DSCAML1: variants seen among roughly 807,000 people sequenced by gnomAD.
The protein encoded by DSCAML1 is cell adhesion molecule DSCAML1.
DSCAML1 carries 38 observed loss-of-function variants against 200.5 expected under a neutral mutation model. That is an observed-to-expected ratio of 0.19 (90% CI 0.15 to 0.25). The LOEUF is 0.25. Among genes scored for constraint, DSCAML1 ranks in the 10% least tolerant of loss-of-function variants. The pLI is 1.00. For missense variants in DSCAML1, 2,223 were observed against 2,858.8 expected (o/e 0.78, Z 5.07); for synonymous variants, 1,215 against 1,165.0 (o/e 1.04, Z -0.87).
At chr11:117,442,406 AGTATGT>A (rs1192891537) in intron 21 of DSCAML1, among the ~76,000 whole-genome samples, 3 of 151,616 alleles carry the variant, frequency 2.0e-5, no homozygotes, top group Non-Finnish European at 4.4e-5. Flanking sequence ...TGTGCACATT[AGTATGT>A]GTATGTGCGT....
chr11:117,539,606 C>CAAAAAAAAAAAAAAAAAAAAAAAAAAAAA (rs35130897), intron 3 of DSCAML1, among the ~76,000 whole-genome samples: 6 of 52,610 alleles, frequency 1.1e-4, no homozygotes, highest in African/African-American at 1.6e-4. Flanking sequence ...AAAACTCTGT[C>CAAAAAAAAAAAAAAAAAAAAAAAAAAAAA]AAAAAAAAAA....
At chr11:117,448,961 T>C (rs2048232501) in intron 20 of DSCAML1, among the ~76,000 whole-genome samples, 1 of 152,164 alleles carries the variant, frequency 6.6e-6, no homozygotes, top group South Asian at 2.1e-4. Context: ...CCCAAAGCCT[T>C]CCATCAATGG....
chr11:117,713,411 C>T (rs1424661756), intron 3 of DSCAML1, among the ~76,000 whole-genome samples: 4 of 152,274 alleles, frequency 2.6e-5, no homozygotes, highest in East Asian at 1.9e-4. Context: ...CCACCACGTC[C>T]GGCCACCAAT....
chr11:117,645,539 G>A (rs1003196116), intron 3 of DSCAML1, among the ~76,000 whole-genome samples: 1 of 151,912 alleles, frequency 6.6e-6, no homozygotes, highest in Non-Finnish European at 1.5e-5. Context: ...AGAAAATGTG[G>A]CACATATACA....
At chr11:117,701,581 G>A (rs968296570) in intron 3 of DSCAML1, among the ~76,000 whole-genome samples, 1 of 152,210 alleles carries the variant, frequency 6.6e-6, no homozygotes, top group Admixed American at 6.5e-5. Context: ...CGAGGGCTGT[G>A]CAAAGATCCC....
At chr11:117,667,183 G>T (rs745332581) in intron 3 of DSCAML1, among the ~76,000 whole-genome samples, 82 of 152,196 alleles carry the variant, frequency 5.4e-4, no homozygotes, top group Non-Finnish European at 9.6e-4. Flanking sequence ...AGGCCAAGGT[G>T]GGTGGATCAC....
At chr11:117,590,742 G>A (rs781071189) in intron 3 of DSCAML1, among the ~76,000 whole-genome samples, 23 of 152,208 alleles carry the variant, frequency 1.5e-4, no homozygotes, top group African/African-American at 3.1e-4. Flanking sequence ...GTGCAGTGGG[G>A]TATGTCCCAG....
In DSCAML1 at chr11:117,516,331, C is replaced by G; in HGVS notation, c.1783+136G>C. On this transcript the variant is annotated intron_variant, in intron 8 of 32. Transcript: ENST00000651296. This position sits in a 1 kb window ranked among gnomAD's most constrained non-coding sequence, Gnocchi z 5.7. ...TGCCCTGCTCCCTTTTTTCTGAATG[C>G]CAAGCTGGGGCCTCTCTTGCTCAGC... 8.6e-7 allele frequency: 1 copy of G among 1,157,186 alleles called. No individual in the cohort carries two copies. Among genetic ancestry groups the G allele is most frequent in the Non-Finnish European group, 1.2e-6 (1 of 837,606 alleles). The allele number at this position is 1,157,186 out of a possible 1,614,324, so 71.7% of individuals were successfully genotyped here. A position where few individuals can be genotyped will look rare whatever the true frequency, so the allele number is the denominator to read the frequency against.
chr11:117,729,073 A>T (rs373298136), intron 3 of DSCAML1, among the ~76,000 whole-genome samples: 1 of 152,232 alleles, frequency 6.6e-6, no homozygotes, highest in African/African-American at 2.4e-5. Flanking sequence ...AAGAACAGAC[A>T]TTTAGATTAA....
At chr11:117,735,117 G>A (rs534822147) in intron 3 of DSCAML1, among the ~76,000 whole-genome samples, 3 of 152,324 alleles carry the variant, frequency 2.0e-5, no homozygotes, top group African/African-American at 7.2e-5. Context: ...GGTGGAAAGG[G>A]CAGATGGACT....
Position 117,524,549 on chromosome 11 carries a change from C to T in DSCAML1, c.937+256G>A, listed in dbSNP as rs150939813. ...GACCACTTTCCCATTTTACAGAGAA[C>T]GGCACTGAGCTGATGGTCATGGTTA... On this transcript the variant is annotated intron_variant, in intron 5 of 32. Transcript: ENST00000651296. 3.5e-4 allele frequency among the ~76,000 whole-genome samples: 53 copies of T among 152,326 alleles called. 1 individual carries two copies. Among genetic ancestry groups the T allele is most frequent in the African/African-American group, 1.1e-3 (44 of 41,570 alleles).
chr11:117,689,207 C>A lies in DSCAML1; in HGVS notation c.511+87584G>T, dbSNP rs144581420. Among the ~76,000 whole-genome samples, 9 of 152,318 alleles carry A rather than the reference C, an allele frequency of 5.9e-5. No individual in the cohort carries two copies. In the East Asian group the frequency reaches 1.7e-3, roughly 29 times the overall value. ...GAGACAAAGTGGTTCTAGACAGAAA[C>A]GTTTAAGGGACGCATACAAAGAAGC... On this transcript the variant is annotated intron_variant, in intron 3 of 32. Coordinates refer to ENST00000651296, the MANE Select transcript of DSCAML1 (RefSeq NM_020693.4).
intron 11 of DSCAML1, among the ~76,000 whole-genome samples, chr11:117,488,081 A>AG (rs56669331): frequency 0.024 from 3,698 of 152,296 alleles, 164 homozygotes; most frequent in African/African-American, 0.085. Flanking sequence ...GGGCGCTTTC[A>AG]GCCCCTTGTC....
intron 3 of DSCAML1, among the ~76,000 whole-genome samples, chr11:117,559,025 C>G (rs192268745): frequency 1.3e-4 from 20 of 152,038 alleles, no homozygotes; most frequent in Admixed American, 1.2e-3. Flanking sequence ...TTTCTCCTGT[C>G]TTATAAACTA....
intron 11 of DSCAML1, among the ~76,000 whole-genome samples, chr11:117,495,254 G>C (rs989230532): frequency 6.6e-6 from 1 of 152,204 alleles, no homozygotes; most frequent in African/African-American, 2.4e-5. Context: ...GCAGGTGCAG[G>C]AGTGTGCAAA....
At chr11:117,766,126 T>C (rs1172638185) in intron 3 of DSCAML1, among the ~76,000 whole-genome samples, 1 of 152,220 alleles carries the variant, frequency 6.6e-6, no homozygotes, top group Non-Finnish European at 1.5e-5. Context: ...GTGAGCCTTG[T>C]GGCATTGCGG....
chr11:117,443,303 TG>T (rs1187869166), intron 21 of DSCAML1, among the ~76,000 whole-genome samples: 1 of 152,168 alleles, frequency 6.6e-6, no homozygotes, highest in Non-Finnish European at 1.5e-5. Context: ...CTCTGAAAAG[TG>T]GGGGTGCAGC....
chr11:117,797,119 G>A lies in DSCAML1; in HGVS notation c.-40C>T. 3 of 1,589,646 alleles carry A rather than the reference G, an allele frequency of 1.9e-6. No homozygotes were observed. The highest frequency in any genetic ancestry group is 3.5e-5 in the Admixed American group (2 of 57,406). On this transcript the variant is annotated 5_prime_UTR_variant, in exon 1 of 33. Coordinates refer to ENST00000651296, the MANE Select transcript of DSCAML1 (RefSeq NM_020693.4). ...CTATTCTCCGGGGAGGTGGTCCTGTGGCCGGCCGTGCGGCAGCGCCTCTCC... is the reference window on the plus strand; with the variant it reads ...CTATTCTCCGGGGAGGTGGTCCTGTAGCCGGCCGTGCGGCAGCGCCTCTCC...
Position 117,769,101 on chromosome 11 carries a change from A to G in DSCAML1, c.511+7690T>C, listed in dbSNP as rs1269213708. 7.7e-5 allele frequency among the ~76,000 whole-genome samples: 10 copies of G among 129,850 alleles called. 1 individual carries two copies. The highest frequency in any genetic ancestry group is 1.6e-4 in the Non-Finnish European group (10 of 64,194). 85.2% of individuals were successfully genotyped at this position (129,850 alleles called of 152,430 possible). ...AATCTATATATAATATATATTTTATATATATAATAGATATTTTATATATAT... is the reference window on the plus strand; with the variant it reads ...AATCTATATATAATATATATTTTATGTATATAATAGATATTTTATATATAT... On this transcript the variant is annotated intron_variant, in intron 3 of 32. Coordinates refer to ENST00000651296, the MANE Select transcript of DSCAML1 (RefSeq NM_020693.4).
Sources: gnomAD v4.1 joint callset for allele counts (sites outside exome capture counted in the v4.1 genomes callset) on GRCh38, gnomAD v4.1.1 for gene constraint, Gnocchi (gnomAD v3.1) non-coding constraint, MANE v1.5 for transcripts, NCBI Gene and HGNC (gene_info 2026-07-23, HGNC 2026-07-21) for gene names.